The following ZIM3 variants were observed in gnomAD, a reference collection of about 807,000 sequenced individuals.
The protein encoded by ZIM3 is zinc finger imprinted 3, also known as zinc finger protein 657.
ZIM3 carries 11 observed loss-of-function variants against 12.9 expected under a neutral mutation model. The ratio of observed to expected loss-of-function variants is 0.85; its 90% confidence interval spans 0.54 to 1.41. The LOEUF (loss-of-function observed/expected upper bound fraction) is 1.41, where lower values mean the gene tolerates loss of function less well. ZIM3 is among the 40% of genes most tolerant of loss of function. The pLI, the probability that ZIM3 is intolerant of heterozygous loss-of-function variation, is 0.00. For missense variants in ZIM3, 604 were observed against 557.2 expected (o/e 1.08, Z -0.85); for synonymous variants, 205 against 198.5 (o/e 1.03, Z -0.28).
Position 57,145,179 on chromosome 19 carries a change from C to T in ZIM3, c.-363G>A, listed in dbSNP as rs376003691. ...GATTGTGAAAGCTTAATTTTCAAAT[C>T]TGCCCAATCAGTTTCCAATGGAATT... On this transcript the variant is annotated 5_prime_UTR_variant, in exon 1 of 5. Transcript: ENST00000269834. The T allele has an allele frequency of 2.0e-5, 3 of 152,320 alleles. No homozygotes were observed. Among genetic ancestry groups the T allele is most frequent in the East Asian group, 3.9e-4 (2 of 5,186 alleles). 9.4% of individuals were successfully genotyped at this position (152,320 alleles called of 1,614,324 possible).
Position 57,135,780 on chromosome 19 carries a change from A to G in ZIM3, c.557T>C (p.Leu186Pro), listed in dbSNP as rs1231808996. 1 of 1,614,100 alleles carries G rather than the reference A, an allele frequency of 6.2e-7. No homozygotes were observed. Among genetic ancestry groups the G allele is most frequent in the African/African-American group, 1.3e-5 (1 of 75,014 alleles). Residue 186 changes from leucine to proline, a missense_variant, in exon 5 of 5, where the codon CTG becomes CCG. Physicochemically the swap from Leu to Pro is moderately conservative, Grantham distance 98. Coordinates refer to ENST00000269834, the MANE Select transcript of ZIM3 (RefSeq NM_052882.1). ...FSSKSRLQSH[L>P]RRHACQKPFE... ...GGGTTTTTGACAGGCATGCCTCCTC[A>G]GGTGACTTTGAAGGCGTGACTTTGA...
intron 2 of ZIM3, among the ~76,000 whole-genome samples, chr19:57,140,708 G>A (rs1348508020): frequency 2.6e-5 from 4 of 152,058 alleles, no homozygotes; most frequent in Non-Finnish European, 5.9e-5. Context: ...CTGGCCTCAA[G>A]TGGTCTTCCT....
chr19:57,144,574 A>G (rs1325584130), intron 1 of ZIM3, among the ~76,000 whole-genome samples: 1 of 152,160 alleles, frequency 6.6e-6, no homozygotes, highest in Non-Finnish European at 1.5e-5. Context: ...ATTGTACCCC[A>G]TAAATAAACA....
chr19:57,136,892 C>A lies in ZIM3; in HGVS notation c.222G>T (p.Val74=). The change falls in exon 4 of 5, where the codon GTG becomes GTT. Residue 74 remains valine (V), a synonymous_variant. Coordinates refer to ENST00000269834, the MANE Select transcript of ZIM3 (RefSeq NM_052882.1). ...ACCTACCTGCACGGCCACTTCCCAG[C>A]ACTTCCTCTTCCTCCAACCATGGCT... ...GKEPWLEEEE[V]LGSGRAEKNG... 2.5e-6 allele frequency: 4 copies of A among 1,614,178 alleles called. No individual in the cohort carries two copies. The highest frequency in any genetic ancestry group is 1.1e-5 in the South Asian group (1 of 91,090).
chr19:57,135,122 G>C lies in ZIM3; in HGVS notation c.1215C>G (p.Asn405Lys). ...TATGAGTTTTCTGATGGCTATGAAGGTTTGACTTCTGAAAGAAGGCTTTTC... is the reference window on the plus strand; with the variant it reads ...TATGAGTTTTCTGATGGCTATGAAGCTTTGACTTCTGAAAGAAGGCTTTTC... Reference protein sequence around the residue: ...RCGKAFFQKSNLHSHQKTHSG... With the variant: ...RCGKAFFQKSKLHSHQKTHSG... The change falls in exon 5 of 5, where the codon AAC (asparagine) becomes AAG (lysine). Residue 405 changes from asparagine (N) to lysine (K), a missense_variant. Physicochemically the swap from Asn to Lys is moderately conservative, Grantham distance 94. Transcript: ENST00000269834. 6.2e-7 allele frequency: 1 copy of C among 1,614,152 alleles called. No individual in the cohort carries two copies. The highest frequency in any genetic ancestry group is 8.5e-7 in the Non-Finnish European group (1 of 1,180,026).
In ZIM3 at chr19:57,135,779, C is replaced by G. The variant is rs2086883787; in HGVS notation, c.558G>C (p.Leu186=). Residue 186 remains leucine (L), a synonymous_variant, in exon 5 of 5, where the codon CTG becomes CTC. Transcript: ENST00000269834. ...FSSKSRLQSH[L]RRHACQKPFE... is the part of the protein sequence containing the mutation. ...AGGGTTTTTGACAGGCATGCCTCCT[C>G]AGGTGACTTTGAAGGCGTGACTTTG... 1 of 1,614,114 alleles carries G rather than the reference C, an allele frequency of 6.2e-7. No homozygotes were observed. Among genetic ancestry groups the G allele is most frequent in the Non-Finnish European group, 8.5e-7 (1 of 1,180,036 alleles).
At chr19:57,137,046 A>G in intron 3 of ZIM3, 75 bp from the exon 4 acceptor site, 1 of 1,414,320 alleles carries the variant, frequency 7.1e-7, no homozygotes, top group East Asian at 2.3e-5. Context: ...GAGTGTATAT[A>G]AGCGCTTGCG....
rs555530564 is a variant in ZIM3 at position 57,141,649 on chromosome 19, G to A, written c.15+980C>T. Among the ~76,000 whole-genome samples the A allele has an allele frequency of 8.2e-4, 125 of 152,016 alleles. 6 individuals carry two copies. The South Asian group carries it at 0.025, about 31-fold the overall frequency. On this transcript the variant is annotated intron_variant, in intron 2 of 4. Coordinates refer to ENST00000269834, the MANE Select transcript of ZIM3 (RefSeq NM_052882.1). Reference sequence around the variant, plus strand: ...GCAGATCACCTGAGGTCAAGATTTCGAGGCCAGCCTGGCCAACATGGTGAA... The same window carrying A: ...GCAGATCACCTGAGGTCAAGATTTCAAGGCCAGCCTGGCCAACATGGTGAA...
intron 2 of ZIM3, 141 bp from the exon 3 acceptor site, chr19:57,138,739 G>T: frequency 8.6e-7 from 1 of 1,157,556 alleles, no homozygotes; most frequent in Non-Finnish European, 1.2e-6. Flanking sequence ...TGTGCCCAGA[G>T]GATCTTGCCA....
Position 57,137,946 on chromosome 19 carries a change from GGAAA to G in ZIM3, c.142+522_142+525del, listed in dbSNP as rs1476649272. 7.2e-4 allele frequency among the ~76,000 whole-genome samples: 38 copies of G among 52,442 alleles called. 7 individuals are homozygous for G. Among genetic ancestry groups the G allele is most frequent in the African/African-American group, 3.3e-3 (35 of 10,566 alleles). The allele number at this position is 52,442 out of a possible 152,430, so 34.4% of individuals were successfully genotyped here. Reference sequence around the variant, plus strand: ...AAGAAGGAAGGAAGGAAGGAAGGAAGGAAAGAAGGAAGGAAGGAAGGAAAGAAGG... The same window carrying G: ...AAGAAGGAAGGAAGGAAGGAAGGAAGGAAGGAAGGAAGGAAGGAAAGAAGG... On this transcript the variant is annotated intron_variant, in intron 3 of 4. Coordinates refer to ENST00000269834, the MANE Select transcript of ZIM3 (RefSeq NM_052882.1).
At chr19:57,136,265 A>G (rs1041857086) in intron 4 of ZIM3, among the ~76,000 whole-genome samples, 170 bp from the exon 5 acceptor site, 1 of 152,224 alleles carries the variant, frequency 6.6e-6, no homozygotes, top group East Asian at 1.9e-4. Flanking sequence ...CTAATGTTAC[A>G]TGAAGCTATC....
rs2086880531 is a variant in ZIM3 at position 57,135,264 on chromosome 19, G to A, written c.1073C>T (p.Thr358Ile). The change falls in exon 5 of 5, where the codon ACT becomes ATT. Residue 358 changes from threonine (T) to isoleucine (I), a missense_variant. Transcript: ENST00000269834. Reference protein sequence around the residue: ...SNVIDHEKIHTGKRAYECDLC... With the variant: ...SNVIDHEKIHIGKRAYECDLC... ...ATCACACTCATAAGCTCTCTTCCCA[G>A]TGTGAATTTTCTCATGATCGATGAC... is the stretch of plus-strand genomic sequence containing the variant. The A allele has an allele frequency of 1.2e-6, 2 of 1,614,038 alleles. No individual in the cohort carries two copies. Among genetic ancestry groups the A allele is most frequent in the South Asian group, 1.1e-5 (1 of 91,080 alleles).
rs866156138 is a variant in ZIM3 at position 57,137,934 on chromosome 19, G to A, written c.142+538C>T. Among the ~76,000 whole-genome samples, 23 of 36,528 alleles carry A rather than the reference G, an allele frequency of 6.3e-4. 1 individual carries two copies. The highest frequency in any genetic ancestry group is 3.1e-3 in the African/African-American group (22 of 7,110). The allele number at this position is 36,528 out of a possible 152,430, so 24.0% of individuals were successfully genotyped here. On this transcript the variant is annotated intron_variant, in intron 3 of 4. Transcript: ENST00000269834. ...AGGAAGGAAGGAAAGAAGGAAGGAA[G>A]GAAGGAAGGAAGGAAAGAAGGAAGG...
Position 57,135,873 on chromosome 19 carries a change from A to G in ZIM3, c.464T>C (p.Val155Ala), listed in dbSNP as rs778337788. Residue 155 changes from valine (V) to alanine (A), a missense_variant, in exon 5 of 5, where the codon GTT becomes GCT. By Grantham distance (64) the Val-to-Ala change is moderately conservative. Coordinates refer to ENST00000269834, the MANE Select transcript of ZIM3 (RefSeq NM_052882.1). ...SHDDNGYRKLVGNNPSKFVGQ... is the reference protein window; with the variant it reads ...SHDDNGYRKLAGNNPSKFVGQ... ...TACAAATTTGGATGGATTATTGCCA[A>G]CTAATTTTCTGTATCCATTATCATC... 15 of 1,614,032 alleles carry G rather than the reference A, an allele frequency of 9.3e-6. No homozygotes were observed. Among genetic ancestry groups the G allele is most frequent in the South Asian group, 3.3e-5 (3 of 91,086 alleles).
intron 4 of ZIM3, 41 bp from the exon 5 acceptor site, chr19:57,136,136 C>T (rs972541040): frequency 6.6e-7 from 1 of 1,517,344 alleles, no homozygotes; most frequent in Admixed American, 2.0e-5. Flanking sequence ...TAAAACGTTC[C>T]ACTCACATGC....
At position 57,135,545 on chromosome 19, in the gene ZIM3, T is replaced by C. The variant is rs989989858; in HGVS notation, c.792A>G (p.Ser264=). 6.2e-7 allele frequency: 1 copy of C among 1,614,028 alleles called. No individual in the cohort carries two copies. Among genetic ancestry groups the C allele is most frequent in the Non-Finnish European group, 8.5e-7 (1 of 1,179,956 alleles). ...GAATTTTCTCATGATTAATGCAGGA[T>C]GATTTCCAGGAAAAGGCTTTTCCAC... ...KTCGKAFSWK[S]SCINHEKIHN... is the part of the protein sequence containing the mutation. The change falls in exon 5 of 5, where the codon TCA becomes TCG. Residue 264 remains serine (S), a synonymous_variant. Transcript: ENST00000269834.
Position 57,138,132 on chromosome 19 carries a change from G to GAAGGA in ZIM3, c.142+339_142+340insTCCTT, listed in dbSNP as rs1225730791. ...GGAGGCAGGGAGGGAGGGAGGGAGG[G>GAAGGA]AGGGAGGGAAGGAAGGGAAAGAAAG... On this transcript the variant is annotated intron_variant, in intron 3 of 4. Transcript: ENST00000269834. Among the ~76,000 whole-genome samples the GAAGGA allele has an allele frequency of 5.9e-3, 750 of 126,626 alleles. 71 individuals are homozygous for GAAGGA. Among genetic ancestry groups the GAAGGA allele is most frequent in the African/African-American group, 0.022 (709 of 31,618 alleles). 83.1% of individuals were successfully genotyped at this position (126,626 alleles called of 152,430 possible).
chr19:57,138,527 C>G lies in ZIM3; in HGVS notation c.87G>C (p.Gln29His). Residue 29 changes from glutamine (Q) to histidine (H), a missense_variant, in exon 3 of 5, where the codon CAG becomes CAC. Physicochemically the swap from Gln to His is conservative, Grantham distance 24 (BLOSUM62 0). Transcript: ENST00000269834. Reference protein sequence around the residue: ...QGEWQRLNPEQRNLYRDVMLE... With the variant: ...QGEWQRLNPEHRNLYRDVMLE... Reference sequence around the variant, plus strand: ...GCATCACATCCCTGTACAAGTTTCTCTGTTCGGGATTCAGCCGCTGCCACT... The same window carrying G: ...GCATCACATCCCTGTACAAGTTTCTGTGTTCGGGATTCAGCCGCTGCCACT... 1 of 1,614,132 alleles carries G rather than the reference C, an allele frequency of 6.2e-7. No homozygotes were observed.
At position 57,135,370 on chromosome 19, in the gene ZIM3, C is replaced by G; in HGVS notation, c.967G>C (p.Val323Leu). 1 of 1,613,902 alleles carries G rather than the reference C, an allele frequency of 6.2e-7. No individual in the cohort carries two copies. Among genetic ancestry groups the G allele is most frequent in the Non-Finnish European group, 8.5e-7 (1 of 1,179,864 alleles). The change falls in exon 5 of 5, where the codon GTG becomes CTG. Residue 323 changes from valine to leucine, a missense_variant. By Grantham distance (32) the Val-to-Leu change is conservative. Coordinates refer to ENST00000269834, the MANE Select transcript of ZIM3 (RefSeq NM_052882.1). ...CCCGTGTGTATTCTCTGGTGTTTCACAAGATCTGACTTGTAAATGAAAGCC... is the reference window on the plus strand; with the variant it reads ...CCCGTGTGTATTCTCTGGTGTTTCAGAAGATCTGACTTGTAAATGAAAGCC... ...GKAFIYKSDL[V>L]KHQRIHTGEK...
Sources: allele counts gnomAD v4.1 joint callset (sites outside exome capture counted in the v4.1 genomes callset), GRCh38; gene constraint gnomAD v4.1.1; transcripts MANE v1.5; gene names NCBI Gene and HGNC (gene_info 2026-07-23, HGNC 2026-07-21).